GRIK2: variants seen among roughly 807,000 people sequenced by gnomAD.
GRIK2 encodes glutamate ionotropic receptor kainate type subunit 2, also known as glutamate receptor ionotropic, kainate 2.
Under a neutral mutation model 100.3 loss-of-function variants are expected in GRIK2, and 32 were observed. The observed-to-expected ratio is 0.32, with a 90% CI of 0.24 to 0.43. The LOEUF is 0.43. Among genes scored for constraint, GRIK2 ranks in the 20% least tolerant of loss-of-function variants. GRIK2 has a pLI of 1.00. For synonymous variants in GRIK2, 417 were observed against 389.4 expected, an observed-to-expected ratio of 1.07 and a Z score of -0.83; for missense variants, 843 against 1,114.9, an observed-to-expected ratio of 0.76 and a Z score of 3.47.
intron 12 of GRIK2, among the ~76,000 whole-genome samples, chr6:101,911,024 G>A (rs1025768614): frequency 5.4e-5 from 8 of 148,358 alleles, no homozygotes; most frequent in Non-Finnish European, 1.2e-4. Context: ...AACAAACACT[G>A]CATTTGTATT....
At position 101,519,422 on chromosome 6, in the gene GRIK2, C is replaced by T. The variant is rs1774760440; in HGVS notation, c.116-102527C>T. On this transcript the variant is annotated intron_variant, in intron 2 of 16. Coordinates refer to ENST00000369134, the MANE Select transcript of GRIK2 (RefSeq NM_021956.5). ...ACATTATTTCATTTCACAAAACCAACCCATGATATGAATACTACTATTTTT... is the reference window on the plus strand; with the variant it reads ...ACATTATTTCATTTCACAAAACCAATCCATGATATGAATACTACTATTTTT... Among the ~76,000 whole-genome samples, 3 of 151,680 alleles carry T rather than the reference C, an allele frequency of 2.0e-5. No homozygotes were observed. The South Asian group carries it at 6.2e-4, about 32-fold the overall frequency.
At chr6:101,802,509 TGTA>T (rs1583180440) in intron 9 of GRIK2, 71 bp downstream of exon 9, 2 of 563,022 alleles carry the variant, frequency 3.6e-6, no homozygotes, top group East Asian at 3.0e-5. Flanking sequence ...TATTCTCTGT[TGTA>T]GTCACATTTC....
chr6:101,792,576 C>T (rs577402240), intron 7 of GRIK2, among the ~76,000 whole-genome samples: 29 of 152,018 alleles, frequency 1.9e-4, no homozygotes, highest in East Asian at 1.2e-3. Context: ...CCGAGAGATC[C>T]GCTGTTAGTC....
intron 2 of GRIK2, among the ~76,000 whole-genome samples, chr6:101,423,370 C>T (rs1351064190): frequency 6.6e-6 from 1 of 152,072 alleles, no homozygotes; most frequent in Non-Finnish European, 1.5e-5. Flanking sequence ...GATAGACTTC[C>T]CTCGTGTTTT....
chr6:101,700,837 A>G (rs1218523709), intron 7 of GRIK2, among the ~76,000 whole-genome samples: 1 of 152,100 alleles, frequency 6.6e-6, no homozygotes, highest in Non-Finnish European at 1.5e-5. Flanking sequence ...CTGAGTTAAT[A>G]AGGACTGGTA....
intron 11 of GRIK2, among the ~76,000 whole-genome samples, chr6:101,879,438 C>A (rs1425453005): frequency 6.6e-6 from 1 of 151,904 alleles, no homozygotes; most frequent in Admixed American, 6.6e-5. Context: ...TGGGAATGGA[C>A]TCATAGCCTT....
chr6:101,716,378 C>A (rs1397367536), intron 7 of GRIK2, among the ~76,000 whole-genome samples: 1 of 151,492 alleles, frequency 6.6e-6, no homozygotes, highest in Non-Finnish European at 1.5e-5. Context: ...TAAATACTAT[C>A]TATGAATTCC....
intron 12 of GRIK2, among the ~76,000 whole-genome samples, chr6:101,917,733 CAAAT>C (rs1265795914): frequency 6.6e-6 from 1 of 151,184 alleles, no homozygotes; most frequent in Non-Finnish European, 1.5e-5. Flanking sequence ...TTTTTCCCCA[CAAAT>C]ACAGAAGTAA....
intron 10 of GRIK2, among the ~76,000 whole-genome samples, chr6:101,855,439 C>A (rs953100857): frequency 5.3e-5 from 8 of 152,028 alleles, no homozygotes; most frequent in African/African-American, 1.4e-4. Context: ...CATATATATG[C>A]GGTTTCTTTG....
chr6:101,866,157 C>G lies in GRIK2; in HGVS notation c.1524+6664C>G, dbSNP rs9377316. ...TTACAGATAATGTTGAAGTGCCTTC[C>G]TCACCATAATTGTCTTGATTTAGTA... On this transcript the variant is annotated intron_variant, in intron 11 of 16. Transcript: ENST00000369134. 0.028 allele frequency among the ~76,000 whole-genome samples: 4,325 copies of G among 152,124 alleles called. 509 individuals carry two copies. The East Asian group carries it at 0.41, about 14-fold the overall frequency.
chr6:101,838,608 T>C (rs1282752809), intron 10 of GRIK2, among the ~76,000 whole-genome samples: 5 of 152,080 alleles, frequency 3.3e-5, no homozygotes, highest in Non-Finnish European at 7.4e-5. Flanking sequence ...TTAAACATAA[T>C]TCATTACCAA....
At chr6:101,579,726 C>T (rs1394201995) in intron 2 of GRIK2, among the ~76,000 whole-genome samples, 1 of 151,890 alleles carries the variant, frequency 6.6e-6, no homozygotes, top group Non-Finnish European at 1.5e-5. Context: ...TGGTGTGCAC[C>T]TGTTGTCCCA....
chr6:101,397,700 C>A (rs1159483146), intron 1 of GRIK2, among the ~76,000 whole-genome samples: 1 of 151,944 alleles, frequency 6.6e-6, no homozygotes, highest in East Asian at 1.9e-4. Flanking sequence ...AATAGCAAGT[C>A]GAATATTCAT....
intron 11 of GRIK2, among the ~76,000 whole-genome samples, chr6:101,865,712 A>C (rs2852622): frequency 0.9 from 136,154 of 151,812 alleles, 61,108 homozygotes; most frequent in East Asian, 0.98. Context: ...CATGGTGAAA[A>C]CCCGTCTCTA....
rs372295479 is a variant in GRIK2, at chr6:101,789,545, G to A, written c.952-10103G>A. The stretch of plus-strand genomic sequence containing the variant: ...ACATGGCGTTATTTCTGAGGGCTCT[G>A]TTCTGTTCCATTGATCTGTATCTCT... On this transcript the variant is annotated intron_variant, in intron 7 of 16. Transcript: ENST00000369134. Among the ~76,000 whole-genome samples, 79 of 152,198 alleles carry A rather than the reference G, an allele frequency of 5.2e-4. 2 individuals carry two copies. The East Asian group carries it at 0.014, about 28-fold the overall frequency.
intron 11 of GRIK2, among the ~76,000 whole-genome samples, chr6:101,865,669 C>A (rs951220378): frequency 1.6e-4 from 24 of 151,872 alleles, no homozygotes; most frequent in Admixed American, 1.6e-3. Flanking sequence ...GGCAGATCAC[C>A]TGAGGTTAGG....
chr6:102,027,878 T>C (rs1769785500), intron 14 of GRIK2, among the ~76,000 whole-genome samples: 1 of 151,110 alleles, frequency 6.6e-6, no homozygotes. Context: ...GTCAAATATG[T>C]TGCTCCCAGT....
At chr6:101,954,718 C>T (rs1168368127) in intron 14 of GRIK2, among the ~76,000 whole-genome samples, 1 of 152,000 alleles carries the variant, frequency 6.6e-6, no homozygotes, top group Non-Finnish European at 1.5e-5. Flanking sequence ...CCTTTATGGC[C>T]TGGCAATATG....
At chr6:101,578,999 T>C (rs1777919813) in intron 2 of GRIK2, among the ~76,000 whole-genome samples, 1 of 152,186 alleles carries the variant, frequency 6.6e-6, no homozygotes, top group Non-Finnish European at 1.5e-5. Context: ...ATTTTCCTAA[T>C]CTGTAAAATG....
Sources: allele counts gnomAD v4.1 joint callset (sites outside exome capture counted in the v4.1 genomes callset), GRCh38; gene constraint gnomAD v4.1.1; transcripts MANE v1.5; gene names NCBI Gene and HGNC (gene_info 2026-07-23, HGNC 2026-07-21).